GALNTL6: variants seen among roughly 807,000 people sequenced by gnomAD.
GALNTL6 encodes polypeptide N-acetylgalactosaminyltransferase like 6, also known as polypeptide N-acetylgalactosaminyltransferase-like 6.
GALNTL6 carries 46 observed loss-of-function variants against 73.7 expected under a neutral mutation model. The ratio of observed to expected loss-of-function variants is 0.62; its 90% CI spans 0.49 to 0.80. The LOEUF is 0.80. Among genes scored for constraint, GALNTL6 ranks in the 30% least tolerant of loss-of-function variants. GALNTL6 has a pLI of 0.00. For synonymous variants in GALNTL6, 259 were observed against 263.7 expected (o/e 0.98, Z 0.17); for missense variants, 604 against 755.0 (o/e 0.80, Z 2.34).
chr4:172,230,983 C>G (rs1239915225), intron 3 of GALNTL6, among the ~76,000 whole-genome samples: 1 of 152,018 alleles, frequency 6.6e-6, no homozygotes, highest in Non-Finnish European at 1.5e-5. Context: ...TCTTGCATTC[C>G]TTTTCTTCCA....
chr4:172,371,379 G>T (rs903560943), intron 5 of GALNTL6, among the ~76,000 whole-genome samples: 1 of 152,196 alleles, frequency 6.6e-6, no homozygotes, highest in African/African-American at 2.4e-5. Context: ...AGTGCTTTCG[G>T]GCTATGCCCT....
chr4:172,650,225 G>A (rs368463661), intron 5 of GALNTL6, among the ~76,000 whole-genome samples: 6 of 152,104 alleles, frequency 3.9e-5, no homozygotes, highest in East Asian at 3.8e-4. Flanking sequence ...CCTTTGCACC[G>A]CAAGCCAGAG....
chr4:172,033,628 A>G (rs1186888170), intron 2 of GALNTL6, among the ~76,000 whole-genome samples: 2 of 152,124 alleles, frequency 1.3e-5, no homozygotes, highest in Admixed American at 6.6e-5. Context: ...ATATTTTAAA[A>G]TAGTTGAAAA....
chr4:172,571,541 G>A (rs1030173823), intron 5 of GALNTL6, among the ~76,000 whole-genome samples: 2 of 152,134 alleles, frequency 1.3e-5, no homozygotes, highest in African/African-American at 4.8e-5. Context: ...TGAAGGCAGA[G>A]ACACTATCGA....
At chr4:172,463,557 G>T (rs1732692210) in intron 5 of GALNTL6, among the ~76,000 whole-genome samples, 1 of 152,146 alleles carries the variant, frequency 6.6e-6, no homozygotes, top group Admixed American at 6.5e-5. Flanking sequence ...GCCATGCACT[G>T]TACTAGATTA....
chr4:172,851,080 G>A (rs1743790880), intron 7 of GALNTL6, among the ~76,000 whole-genome samples: 1 of 152,052 alleles, frequency 6.6e-6, no homozygotes, highest in African/African-American at 2.4e-5. Context: ...AATGGGGGTG[G>A]GGCTGAGTTT....
At chr4:172,217,381 G>T (rs1022714199) in intron 2 of GALNTL6, among the ~76,000 whole-genome samples, 6 of 152,094 alleles carry the variant, frequency 3.9e-5, no homozygotes, top group African/African-American at 1.4e-4. Flanking sequence ...GAGAATTTAT[G>T]GTTTGTAGAA....
chr4:171,883,985 T>G (rs1313941436), intron 2 of GALNTL6, among the ~76,000 whole-genome samples: 1 of 152,172 alleles, frequency 6.6e-6, no homozygotes, highest in Admixed American at 6.5e-5. Flanking sequence ...ATGTTCAATC[T>G]CTCACAAAAA....
chr4:172,358,997 G>T (rs1742269477), intron 5 of GALNTL6, among the ~76,000 whole-genome samples: 2 of 151,722 alleles, frequency 1.3e-5, no homozygotes, highest in African/African-American at 4.8e-5. Flanking sequence ...CTTAAACACA[G>T]AACTACTATT....
chr4:173,028,219 G>GA (rs754017013), intron 12 of GALNTL6, among the ~76,000 whole-genome samples: 41 of 151,702 alleles, frequency 2.7e-4, no homozygotes, highest in African/African-American at 9.2e-4. Context: ...CTTGAAGAAG[G>GA]AAAAAAAAGT....
chr4:172,853,035 G>A (rs1019291209), intron 7 of GALNTL6, among the ~76,000 whole-genome samples: 6 of 152,202 alleles, frequency 3.9e-5, no homozygotes, highest in African/African-American at 1.4e-4. Context: ...CAAAATTAAC[G>A]ACTTAAACAA....
chr4:172,266,785 A>G (rs1321203057), intron 3 of GALNTL6, among the ~76,000 whole-genome samples: 4 of 152,028 alleles, frequency 2.6e-5, no homozygotes, highest in African/African-American at 9.7e-5. Context: ...AGGTTATTCC[A>G]TTAATCTAAA....
At chr4:172,532,082 A>G (rs138083200) in intron 5 of GALNTL6, among the ~76,000 whole-genome samples, 4 of 152,262 alleles carry the variant, frequency 2.6e-5, no homozygotes, top group Admixed American at 6.5e-5. Context: ...CCATGACCAG[A>G]AGGGTCCATT....
chr4:172,566,100 G>A (rs1736546186), intron 5 of GALNTL6, among the ~76,000 whole-genome samples: 1 of 152,106 alleles, frequency 6.6e-6, no homozygotes, highest in Admixed American at 6.5e-5. Flanking sequence ...GATGGTAAGA[G>A]ACTTAATTCT....
At chr4:172,283,938 T>A (rs1579331489) in intron 3 of GALNTL6, among the ~76,000 whole-genome samples, 1 of 152,188 alleles carries the variant, frequency 6.6e-6, no homozygotes, top group Non-Finnish European at 1.5e-5. Context: ...TTCAGATCAG[T>A]GAATAATTTA....
intron 5 of GALNTL6, among the ~76,000 whole-genome samples, chr4:172,474,208 A>G (rs552103197): frequency 6.6e-6 from 1 of 152,124 alleles, no homozygotes; most frequent in African/African-American, 2.4e-5. Flanking sequence ...TCACACACCC[A>G]TCACAACTCC....
chr4:172,514,777 T>A (rs1222920043), intron 5 of GALNTL6, among the ~76,000 whole-genome samples: 1 of 152,212 alleles, frequency 6.6e-6, no homozygotes, highest in Non-Finnish European at 1.5e-5. Flanking sequence ...CCTACAGGGC[T>A]CTTCCCTGCT....
chr4:172,997,602 T>G (rs1751852413), intron 10 of GALNTL6, among the ~76,000 whole-genome samples: 1 of 152,286 alleles, frequency 6.6e-6, no homozygotes, highest in African/African-American at 2.4e-5. Flanking sequence ...ATCCTTAACT[T>G]AAAACTTTCT....
At chr4:172,844,662 A>G (rs1051192111) in intron 7 of GALNTL6, among the ~76,000 whole-genome samples, 35 of 152,330 alleles carry the variant, frequency 2.3e-4, no homozygotes, top group Non-Finnish European at 1.2e-4. Flanking sequence ...GTTAGAATTA[A>G]CATTCTTTTA....
Sources: gnomAD v4.1 joint callset for allele counts (sites outside exome capture counted in the v4.1 genomes callset) on GRCh38, gnomAD v4.1.1 for gene constraint, MANE v1.5 for transcripts, NCBI Gene and HGNC (gene_info 2026-07-23, HGNC 2026-07-21) for gene names.